Variants in CTSB observed in about 807,000 individuals in gnomAD.
The protein encoded by CTSB is APP secretase.
In CTSB, 57 loss-of-function variants were observed where a neutral mutation model predicts 44.3. The ratio of observed to expected loss-of-function variants is 1.29; its 90% CI spans 1.04 to 1.60. CTSB has a LOEUF of 1.60. Among genes scored for constraint, CTSB ranks in the 40% most tolerant of loss-of-function variants. CTSB has a pLI of 0.00. For synonymous variants in CTSB, 320 were observed against 168.0 expected (o/e 1.91, Z -7.00); for missense variants, 768 against 443.0 (o/e 1.73, Z -6.59).
Position 11,847,150 on chromosome 8 carries a change from A to G in CTSB, c.695T>C (p.Val232Ala), listed in dbSNP as rs1301137878. 1 of 1,611,888 alleles carries G rather than the reference A, an allele frequency of 6.2e-7. No homozygotes were observed. Among genetic ancestry groups the G allele is most frequent in the Admixed American group, 1.7e-5 (1 of 59,988 alleles). ...CATGATGTCCTTCTCGCTATTGGAG[A>G]CGCTGTAGGAATTGTATCCTGGAAA... ...DKHYGYNSYS[V>A]SNSEKDIMAE... The change falls in exon 8 of 10, where the codon GTC becomes GCC. Residue 232 changes from valine to alanine, a missense_variant. Transcript: ENST00000353047.
chr8:11,852,036 A>G (rs559462364), intron 3 of CTSB, among the ~76,000 whole-genome samples: 3 of 152,190 alleles, frequency 2.0e-5, no homozygotes, highest in African/African-American at 7.2e-5. Context: ...GGGGACCCAG[A>G]CCTTGTCTGT....
chr8:11,858,150 C>A (rs1815826369), intron 1 of CTSB, among the ~76,000 whole-genome samples: 1 of 152,224 alleles, frequency 6.6e-6, no homozygotes, highest in South Asian at 2.1e-4. Flanking sequence ...ACATGCCTGG[C>A]ATGCAGTGAT....
At chr8:11,859,080 C>G (rs796993076) in intron 1 of CTSB, among the ~76,000 whole-genome samples, 6 of 152,232 alleles carry the variant, frequency 3.9e-5, no homozygotes, top group African/African-American at 1.4e-4. Context: ...GCTGCTTAGG[C>G]AGACCTGAGT....
chr8:11,853,271 CA>C, intron 2 of CTSB, 57 bp downstream of exon 2: 1 of 1,595,230 alleles, frequency 6.3e-7, no homozygotes. Flanking sequence ...TTCCTGGAGT[CA>C]GTGTGCACAG....
chr8:11,846,847 G>C (rs953804405), intron 8 of CTSB, among the ~76,000 whole-genome samples: 7 of 152,116 alleles, frequency 4.6e-5, no homozygotes, highest in Non-Finnish European at 8.8e-5. Flanking sequence ...AATTGTGTGT[G>C]TTGGCACAAC....
At chr8:11,867,653 G>A (rs1279874198) in intron 1 of CTSB, 2 of 152,234 alleles carry the variant, frequency 1.3e-5, no homozygotes, top group African/African-American at 4.8e-5. Flanking sequence ...CTCCGGACCC[G>A]GCCGAGCTCT....
At chr8:11,863,318 G>T (rs551249838) in intron 1 of CTSB, among the ~76,000 whole-genome samples, 1 of 152,106 alleles carries the variant, frequency 6.6e-6, no homozygotes, top group East Asian at 1.9e-4. Flanking sequence ...AATTAGCTGG[G>T]CGTGGTGGCA....
rs1180729415 is a variant in CTSB, at chr8:11,843,101, A to AC, written c.*2023dup. On this transcript the variant is annotated 3_prime_UTR_variant, in exon 10 of 10. Coordinates refer to ENST00000353047, the MANE Select transcript of CTSB (RefSeq NM_001908.5). ...GTAGCTGGGATTACAGGCATGTGCC[A>AC]CCATGCCCAGCTAATTTTTGTATTT... The AC allele has an allele frequency of 6.6e-5, 10 of 152,376 alleles. No homozygotes were observed. In the East Asian group the frequency reaches 1.7e-3, roughly 26 times the overall value. The allele number at this position is 152,376 out of a possible 1,614,324, so 9.4% of individuals were successfully genotyped here.
Position 11,849,173 on chromosome 8 carries a change from A to G in CTSB, c.328-9T>C. 1 of 1,609,132 alleles carries G rather than the reference A, an allele frequency of 6.2e-7. No homozygotes were observed. The highest frequency in any genetic ancestry group is 8.5e-7 in the Non-Finnish European group (1 of 1,177,634). On this transcript the variant is annotated splice_polypyrimidine_tract_variant and intron_variant, in intron 4 of 9. Transcript: ENST00000353047. Reference sequence around the variant, plus strand: ...TCCACAGCCCCGAAGGCCTGCAGGAACGAGCCCCACCGGGTGAGGCTGCCA... The same window carrying G: ...TCCACAGCCCCGAAGGCCTGCAGGAGCGAGCCCCACCGGGTGAGGCTGCCA...
intron 9 of CTSB, 147 bp downstream of exon 9, chr8:11,845,514 G>A (rs998218900): frequency 1.0e-6 from 1 of 964,270 alleles, no homozygotes; most frequent in South Asian, 1.7e-5. Context: ...GGGAACTCCT[G>A]ACTGCCTGGC....
chr8:11,865,778 G>C (rs1817036195), intron 1 of CTSB, among the ~76,000 whole-genome samples: 1 of 151,026 alleles, frequency 6.6e-6, no homozygotes, highest in Admixed American at 6.6e-5. Flanking sequence ...GGGAGGCTGA[G>C]GCGGATCACT....
At chr8:11,851,013 G>C (rs1205914691) in intron 3 of CTSB, 33 bp from the exon 4 acceptor site, 1 of 1,521,640 alleles carries the variant, frequency 6.6e-7, no homozygotes, top group Non-Finnish European at 9.1e-7. Flanking sequence ...TACAAGCTCT[G>C]ATCCCACAAC....
At chr8:11,847,496 G>C (rs1205858746) in intron 7 of CTSB, among the ~76,000 whole-genome samples, 183 bp downstream of exon 7, 2 of 152,186 alleles carry the variant, frequency 1.3e-5, no homozygotes, top group African/African-American at 4.8e-5. Context: ...GTTCAGGGTG[G>C]AACAGGCAGA....
intron 5 of CTSB, 93 bp downstream of exon 5, chr8:11,848,953 G>A (rs771511036): frequency 1.3e-4 from 110 of 875,070 alleles, no homozygotes; most frequent in Admixed American, 1.7e-4. Flanking sequence ...ACTCGCAGCA[G>A]TCCCAGGAAG....
intron 1 of CTSB, among the ~76,000 whole-genome samples, chr8:11,859,074 C>T (rs1162850474): frequency 6.6e-6 from 1 of 152,112 alleles, no homozygotes; most frequent in African/African-American, 2.4e-5. Context: ...TGCTGTGCTG[C>T]TTAGGCAGAC....
At chr8:11,866,187 TC>T (rs1817121226) in intron 1 of CTSB, among the ~76,000 whole-genome samples, 1 of 152,024 alleles carries the variant, frequency 6.6e-6, no homozygotes. Context: ...CTCTTCCAAC[TC>T]CCAGGTCCAG....
rs1449217625 is a variant in CTSB at position 11,844,758 on chromosome 8, G to C, written c.*367C>G. The C allele has an allele frequency of 5.1e-6, 1 of 197,604 alleles. No individual in the cohort carries two copies. Among genetic ancestry groups the C allele is most frequent in the Non-Finnish European group, 1.0e-5 (1 of 96,360 alleles). The allele number at this position is 197,604 out of a possible 1,614,324, so 12.2% of individuals were successfully genotyped here. ...CTTGCTTGGAGGTACTGGGGGAACT[G>C]ATGGGGGAACTTTCATCCTGTTAGG... On this transcript the variant is annotated 3_prime_UTR_variant, in exon 10 of 10. Coordinates refer to ENST00000353047, the MANE Select transcript of CTSB (RefSeq NM_001908.5).
rs769781233 is a variant in CTSB, at chr8:11,849,075, G to T, written c.417C>A (p.Leu139=). The change falls in exon 5 of 10, where the codon CTC becomes CTA. Residue 139 remains leucine (L), a synonymous_variant. Coordinates refer to ENST00000353047, the MANE Select transcript of CTSB (RefSeq NM_001908.5). Reference sequence around the variant, plus strand: ...CCCCACACATGCTGCCACAGCATGTGAGCAGGTCCTCCGCCGACACCTCCA... The same window carrying T: ...CCCCACACATGCTGCCACAGCATGTTAGCAGGTCCTCCGCCGACACCTCCA... ...VSVEVSAEDL[L]TCCGSMCGDG... 7.7e-5 allele frequency: 124 copies of T among 1,613,250 alleles called. No individual in the cohort carries two copies. The highest frequency in any genetic ancestry group is 1.0e-4 in the Non-Finnish European group (121 of 1,179,698).
chr8:11,849,298 G>A, intron 4 of CTSB, 134 bp from the exon 5 acceptor site: 1 of 598,292 alleles, frequency 1.7e-6, no homozygotes, highest in African/African-American at 1.8e-5. Context: ...GACGCTCCTG[G>A]GGCTCAAACT....
Sources: gnomAD v4.1 joint callset for allele counts (sites outside exome capture counted in the v4.1 genomes callset) on GRCh38, gnomAD v4.1.1 for gene constraint, MANE v1.5 for transcripts, NCBI Gene and HGNC (gene_info 2026-07-23, HGNC 2026-07-21) for gene names.